Variants in ATP2B2 observed in about 807,000 individuals in gnomAD.
ATP2B2 encodes plasma membrane calcium-transporting ATPase 2.
ATP2B2 carries 15 observed loss-of-function variants against 120.0 expected under a neutral mutation model. The ratio of observed to expected loss-of-function variants is 0.12; its 90% CI spans 0.08 to 0.19. ATP2B2 has a LOEUF of 0.19. Ranked by LOEUF, ATP2B2 falls within the 10% of genes least tolerant of loss-of-function variation. ATP2B2 has a pLI of 1.00. For missense variants in ATP2B2, 1,045 were observed against 1,719.8 expected (o/e 0.61, Z 6.94); for synonymous variants, 694 against 700.3 (o/e 0.99, Z 0.14).
chr3:10,555,930 GCT>G (rs1321838356), intron 2 of ATP2B2, among the ~76,000 whole-genome samples: 1 of 152,140 alleles, frequency 6.6e-6, no homozygotes, highest in Non-Finnish European at 1.5e-5. Flanking sequence ...ATGGAGTCTT[GCT>G]CTGTCACCCA....
intron 1 of ATP2B2, among the ~76,000 whole-genome samples, chr3:10,503,340 C>T (rs79532381): frequency 0.055 from 8,420 of 152,342 alleles, 292 homozygotes; most frequent in Non-Finnish European, 0.079. Flanking sequence ...CGGGCAGCAG[C>T]TGCGTCCCTG....
chr3:10,424,089 C>T (rs1040824947), intron 2 of ATP2B2, among the ~76,000 whole-genome samples: 4 of 152,232 alleles, frequency 2.6e-5, no homozygotes, highest in Admixed American at 6.5e-5. Context: ...AGGCCCCACT[C>T]GGCTGGGGCT....
chr3:10,685,276 C>T (rs191769662), intron 1 of ATP2B2, among the ~76,000 whole-genome samples: 2 of 152,290 alleles, frequency 1.3e-5, no homozygotes, highest in African/African-American at 4.8e-5. Flanking sequence ...GAAGTCAAGC[C>T]AATAAGTGTG....
At position 10,378,317 on chromosome 3, in the gene ATP2B2, T is replaced by C; in HGVS notation, c.1136A>G (p.His379Arg). ...CTGCAGCACGGACTTCTCCTTCTTG[T>C]GCATGCTGGCCTTCTTCCTGTCGTC... ...DADDRKKASM[H>R]KKEKSVLQGK... Residue 379 changes from histidine (H) to arginine (R), a missense_variant, in exon 10 of 23, where the codon CAC becomes CGC. This residue lies in a region of ATP2B2 where 145 missense variants were observed against 202.0 expected (regional missense o/e 0.72). Coordinates refer to ENST00000360273, the MANE Select transcript of ATP2B2 (RefSeq NM_001001331.4). 1.2e-6 allele frequency: 2 copies of C among 1,609,856 alleles called. No homozygotes were observed. The highest frequency in any genetic ancestry group is 1.7e-6 in the Non-Finnish European group (2 of 1,180,022).
At chr3:10,345,345 C>T (rs2060400526) in intron 18 of ATP2B2, 39 bp downstream of exon 18, 8 of 1,610,204 alleles carry the variant, frequency 5.0e-6, no homozygotes, top group Non-Finnish European at 6.8e-6. Flanking sequence ...GGGGTCTCCG[C>T]CCTCCCCCAG....
At chr3:10,606,912 CAGAGAGAGAGAG>C (rs1185602877) in intron 2 of ATP2B2, among the ~76,000 whole-genome samples, 115 of 62,582 alleles carry the variant, frequency 1.8e-3, no homozygotes, top group East Asian at 7.8e-3. Context: ...CACACACACA[CAGAGAGAGAGAG>C]AGAGAGAGAG....
chr3:10,359,834 C>G, intron 13 of ATP2B2, 48 bp downstream of exon 13: 2 of 1,613,098 alleles, frequency 1.2e-6, no homozygotes, highest in South Asian at 2.2e-5. Context: ...CCCCAGCTCC[C>G]TGCACCAGGG....
At chr3:10,366,136 C>T (rs2125479108) in intron 12 of ATP2B2, among the ~76,000 whole-genome samples, 1 of 152,260 alleles carries the variant, frequency 6.6e-6, no homozygotes, top group South Asian at 2.1e-4. Context: ...AGCCCAGTCT[C>T]AGGGTATGGC....
intron 1 of ATP2B2, among the ~76,000 whole-genome samples, chr3:10,664,791 G>T (rs1374067405): frequency 6.6e-6 from 1 of 152,218 alleles, no homozygotes; most frequent in Non-Finnish European, 1.5e-5. Context: ...ACCTTTGCCT[G>T]ATTTGGGAAA....
chr3:10,629,892 G>C (rs1259905951), intron 1 of ATP2B2, among the ~76,000 whole-genome samples: 2 of 152,234 alleles, frequency 1.3e-5, no homozygotes, highest in African/African-American at 2.4e-5. Flanking sequence ...TATCGATGCT[G>C]TGCGTGTGGA....
chr3:10,401,055 G>C lies in ATP2B2; in HGVS notation c.679C>G (p.Leu227Val). ...KYGDLLPADGLFIQGNDLKID... is the reference protein window; with the variant it reads ...KYGDLLPADGVFIQGNDLKID... ...TTGAGGTCATTGCCCTGGATGAAGA[G>C]GCCGTCGGCAGGGAGGAGGTCACCT... Residue 227 changes from leucine (L) to valine (V), a missense_variant, in exon 5 of 23, where the codon CTC becomes GTC. By Grantham distance (32) the Leu-to-Val change is conservative. This residue lies in a region of ATP2B2 where 2 missense variants were observed against 18.3 expected (regional missense o/e 0.11). Transcript: ENST00000360273. The C allele has an allele frequency of 1.2e-6, 2 of 1,614,124 alleles. No homozygotes were observed. The highest frequency in any genetic ancestry group is 1.7e-6 in the Non-Finnish European group (2 of 1,180,004).
rs1432367174 is a variant in ATP2B2, at chr3:10,343,826, C to T, written c.2704-861G>A. On this transcript the variant is annotated intron_variant, in intron 18 of 22. Coordinates refer to ENST00000360273, the MANE Select transcript of ATP2B2 (RefSeq NM_001001331.4). The surrounding 1 kb of genome is among the most constrained non-coding windows in gnomAD (Gnocchi z 4.2). ...ATCCTGACCCCACTCTCCTGGTCGT[C>T]GTCCTCCCTTCCTTTTAAATCTGTG... Among the ~76,000 whole-genome samples, 4 of 152,128 alleles carry T rather than the reference C, an allele frequency of 2.6e-5. No homozygotes were observed. Among genetic ancestry groups the T allele is most frequent in the Non-Finnish European group, 4.4e-5 (3 of 68,028 alleles).
intron 2 of ATP2B2, among the ~76,000 whole-genome samples, chr3:10,576,171 C>T (rs2068241577): frequency 1.3e-5 from 2 of 152,182 alleles, no homozygotes; most frequent in Admixed American, 1.3e-4. Flanking sequence ...GATGCCTTAG[C>T]CCCTGTGCTG....
rs2060850716 is a variant in ATP2B2 at position 10,359,988 on chromosome 3, C to T, written c.1795G>A (p.Val599Met). 2 of 1,614,212 alleles carry T rather than the reference C, an allele frequency of 1.2e-6. No individual in the cohort carries two copies. Among genetic ancestry groups the T allele is most frequent in the Non-Finnish European group, 1.7e-6 (2 of 1,180,026 alleles). The stretch of plus-strand genomic sequence containing the variant: ...TTGCGCACGGAGTTGAAGGTGTACA[C>T]TTTGTACAACTTCTCCTCTGGCATC... ...SQMPEEKLYK[V>M]YTFNSVRKSM... Residue 599 changes from valine (V) to methionine (M), a missense_variant, in exon 13 of 23, where the codon GTG becomes ATG. Val to Met is a conservative substitution (Grantham distance 21, BLOSUM62 1). Transcript: ENST00000360273.
In ATP2B2 at chr3:10,635,554, A is replaced by C. The variant is rs1160229939; in HGVS notation, c.-459-15593T>G. Among the ~76,000 whole-genome samples the C allele has an allele frequency of 2.0e-5, 3 of 152,200 alleles. No homozygotes were observed. On this transcript the variant is annotated intron_variant, in intron 1 of 21. Transcript: ENST00000646379. This position sits in a 1 kb window ranked among gnomAD's most constrained non-coding sequence, Gnocchi z 4.3. ...CCCTCTCCAGTGTTCTGAGCCCTCC[A>C]GATGGCAGGGGGAGACAAGAATCAG...
chr3:10,426,657 T>G (rs889989583), intron 2 of ATP2B2, among the ~76,000 whole-genome samples: 1 of 152,176 alleles, frequency 6.6e-6, no homozygotes, highest in Admixed American at 6.5e-5. Flanking sequence ...ACTTGAACTT[T>G]CCATTTAGGT....
intron 2 of ATP2B2, among the ~76,000 whole-genome samples, chr3:10,417,070 G>GC (rs1171010338): frequency 2.4e-4 from 32 of 135,394 alleles, no homozygotes; most frequent in Non-Finnish European, 4.1e-4. Context: ...AGACGGCGGC[G>GC]GGGGGGGGCG....
intron 1 of ATP2B2, among the ~76,000 whole-genome samples, chr3:10,461,764 G>T (rs1470023690): frequency 4.6e-5 from 7 of 152,088 alleles, no homozygotes; most frequent in Non-Finnish European, 8.8e-5. Flanking sequence ...CTGGTTTTGG[G>T]TTCTAAAGTC....
intron 14 of ATP2B2, among the ~76,000 whole-genome samples, chr3:10,355,331 G>A (rs1303307045): frequency 6.6e-6 from 1 of 152,168 alleles, no homozygotes. Flanking sequence ...TGAGTCTGCT[G>A]TGTCACTTGA....
Sources: gnomAD v4.1 joint callset for allele counts (sites outside exome capture counted in the v4.1 genomes callset) on GRCh38, gnomAD v4.1.1 for gene constraint, gnomAD v4.1.1 regional missense constraint, Gnocchi (gnomAD v3.1) non-coding constraint, MANE v1.5 for transcripts, NCBI Gene and HGNC (gene_info 2026-07-23, HGNC 2026-07-21) for gene names.